GRM7: variants seen among roughly 807,000 people sequenced by gnomAD.
GRM7 encodes the protein glutamate metabotropic receptor 7.
GRM7 carries 35 observed loss-of-function variants against 84.5 expected under a neutral mutation model. The ratio of observed to expected loss-of-function variants is 0.41; its 90% CI spans 0.32 to 0.55. The LOEUF (loss-of-function observed/expected upper bound fraction) is 0.55, where lower values mean the gene tolerates loss of function less well. Ranked by LOEUF, GRM7 falls within the 20% of genes least tolerant of loss-of-function variation. GRM7 has a pLI of 0.19. For missense variants in GRM7, 1,003 were observed against 1,194.6 expected (o/e 0.84, Z 2.36); for synonymous variants, 487 against 455.1 (o/e 1.07, Z -0.89).
At chr3:7,320,780 T>C (rs1238625649) in intron 4 of GRM7, among the ~76,000 whole-genome samples, 2 of 151,616 alleles carry the variant, frequency 1.3e-5, no homozygotes, top group African/African-American at 2.4e-5. Flanking sequence ...CATATAATAG[T>C]AGTTCTTTTT....
At chr3:7,268,700 T>G (rs1411954886) in intron 2 of GRM7, among the ~76,000 whole-genome samples, 1 of 152,154 alleles carries the variant, frequency 6.6e-6, no homozygotes, top group Non-Finnish European at 1.5e-5. Flanking sequence ...TTGTTTCAGA[T>G]TTCCCGTCCT....
intron 1 of GRM7, among the ~76,000 whole-genome samples, chr3:7,108,549 C>G (rs888101098): frequency 6.7e-6 from 1 of 148,692 alleles, no homozygotes; most frequent in African/African-American, 2.5e-5. Context: ...GAGTTTTCTG[C>G]TGCTCTGTCA....
intron 1 of GRM7, among the ~76,000 whole-genome samples, chr3:6,889,481 T>A (rs1484317224): frequency 6.6e-6 from 1 of 151,698 alleles, no homozygotes; most frequent in African/African-American, 2.4e-5. Flanking sequence ...CTGCATCTAT[T>A]GAGATAATCA....
intron 8 of GRM7, among the ~76,000 whole-genome samples, chr3:7,606,100 C>T (rs1471120332): frequency 6.6e-6 from 1 of 152,200 alleles, no homozygotes; most frequent in African/African-American, 2.4e-5. Flanking sequence ...TCTCTTGGAA[C>T]TTCCCCTAAG....
intron 1 of GRM7, among the ~76,000 whole-genome samples, chr3:6,869,409 T>A (rs1425977039): frequency 6.6e-6 from 1 of 152,218 alleles, no homozygotes; most frequent in Non-Finnish European, 1.5e-5. Context: ...AAAAGCTATG[T>A]TAAAGTTATC....
intron 1 of GRM7, among the ~76,000 whole-genome samples, chr3:6,888,665 T>C (rs1399751827): frequency 6.6e-6 from 1 of 152,170 alleles, no homozygotes; most frequent in East Asian, 1.9e-4. Flanking sequence ...TCAGGTAGCA[T>C]GATGCCTCCA....
intron 8 of GRM7, among the ~76,000 whole-genome samples, chr3:7,675,576 T>C (rs1700087537): frequency 6.6e-6 from 1 of 152,212 alleles, no homozygotes; most frequent in South Asian, 2.1e-4. Flanking sequence ...GATGAGAAAA[T>C]GGCATGGAGC....
intron 2 of GRM7, among the ~76,000 whole-genome samples, chr3:7,259,200 T>C (rs1233708193): frequency 6.6e-6 from 1 of 152,228 alleles, no homozygotes; most frequent in Non-Finnish European, 1.5e-5. Flanking sequence ...CATTGGCTGA[T>C]TGATAAATTC....
intron 1 of GRM7, among the ~76,000 whole-genome samples, chr3:7,042,552 A>C (rs546058229): frequency 6.6e-6 from 1 of 151,928 alleles, no homozygotes; most frequent in East Asian, 1.9e-4. Flanking sequence ...TTCTTGGGTC[A>C]TTTCTATAGT....
intron 1 of GRM7, among the ~76,000 whole-genome samples, chr3:6,961,286 A>G (rs1000744374): frequency 8.5e-5 from 13 of 152,164 alleles, no homozygotes; most frequent in African/African-American, 2.9e-4. Flanking sequence ...GGCCCCTTTC[A>G]GATCTCTGAA....
chr3:6,986,169 G>A (rs930260569), intron 1 of GRM7, among the ~76,000 whole-genome samples: 2 of 152,092 alleles, frequency 1.3e-5, no homozygotes, highest in Admixed American at 1.3e-4. Context: ...AATTTGCTAA[G>A]AGGATAAATC....
At chr3:7,277,694 A>G (rs1443703940) in intron 2 of GRM7, among the ~76,000 whole-genome samples, 2 of 152,056 alleles carry the variant, frequency 1.3e-5, no homozygotes, top group Non-Finnish European at 2.9e-5. Flanking sequence ...TTGTTCCTGT[A>G]CATTTTGAAT....
intron 4 of GRM7, among the ~76,000 whole-genome samples, chr3:7,332,282 G>A (rs182962513): frequency 2.6e-5 from 4 of 152,256 alleles, no homozygotes; most frequent in African/African-American, 9.6e-5. Context: ...GGGAGAGGAG[G>A]AGAATAGACA....
intron 2 of GRM7, among the ~76,000 whole-genome samples, chr3:7,160,069 C>T (rs1178556016): frequency 1.3e-5 from 2 of 152,056 alleles, no homozygotes; most frequent in African/African-American, 2.4e-5. Context: ...ATTAAAGGCA[C>T]ACAAACTTTA....
chr3:7,610,121 G>A (rs867077759), intron 8 of GRM7, among the ~76,000 whole-genome samples: 1 of 152,180 alleles, frequency 6.6e-6, no homozygotes, highest in African/African-American at 2.4e-5. Flanking sequence ...ATTGAAGGTA[G>A]GGCGCTTGGA....
intron 8 of GRM7, among the ~76,000 whole-genome samples, chr3:7,595,600 G>C (rs754323592): frequency 1.3e-4 from 20 of 152,146 alleles, no homozygotes; most frequent in Non-Finnish European, 2.8e-4. Flanking sequence ...TGATATGGTG[G>C]GAAGGAGAGT....
At chr3:7,198,088 A>G (rs538247069) in intron 2 of GRM7, among the ~76,000 whole-genome samples, 1 of 152,106 alleles carries the variant, frequency 6.6e-6, no homozygotes, top group Admixed American at 6.6e-5. Context: ...AATCGTTTTA[A>G]TCAAAACTGC....
At chr3:7,042,721 G>T (rs1696672937) in intron 1 of GRM7, among the ~76,000 whole-genome samples, 1 of 151,624 alleles carries the variant, frequency 6.6e-6, no homozygotes, top group South Asian at 2.1e-4. Flanking sequence ...ATAGAATTTT[G>T]TTTCTAGCTC....
chr3:7,195,063 C>A (rs952939220), intron 2 of GRM7, among the ~76,000 whole-genome samples: 1 of 152,132 alleles, frequency 6.6e-6, no homozygotes. Flanking sequence ...CTGATGTATG[C>A]AATCAGTCAT....
Sources: allele counts gnomAD v4.1 joint callset (sites outside exome capture counted in the v4.1 genomes callset), GRCh38; gene constraint gnomAD v4.1.1; transcripts MANE v1.5; gene names NCBI Gene and HGNC (gene_info 2026-07-23, HGNC 2026-07-21).